XPO4: variants seen among roughly 807,000 people sequenced by gnomAD.
XPO4 encodes the protein exportin 4.
Under a neutral mutation model 143.0 loss-of-function variants are expected in XPO4, and 39 were observed. The observed-to-expected ratio is 0.27, with a 90% CI of 0.21 to 0.36. XPO4 has a LOEUF of 0.36. Among genes scored for constraint, XPO4 ranks in the 10% least tolerant of loss-of-function variants. XPO4 has a pLI of 1.00. For missense variants in XPO4, 907 were observed against 1,348.0 expected, an observed-to-expected ratio of 0.67 and a Z score of 5.12; for synonymous variants, 439 against 474.0, an observed-to-expected ratio of 0.93 and a Z score of 0.96.
chr13:20,797,119 G>A, intron 16 of XPO4, 62 bp from the exon 17 acceptor site: 1 of 1,450,992 alleles, frequency 6.9e-7, no homozygotes, highest in Non-Finnish European at 9.2e-7. Context: ...TCCTCTGCTT[G>A]GATACATATT....
At chr13:20,817,760 A>G (rs561275827) in intron 9 of XPO4, among the ~76,000 whole-genome samples, 1 of 152,324 alleles carries the variant, frequency 6.6e-6, no homozygotes, top group African/African-American at 2.4e-5. Flanking sequence ...ATCTTTTATA[A>G]AACAGCTGTT....
Position 20,854,519 on chromosome 13 carries a change from T to C in XPO4, c.456+1108A>G, listed in dbSNP as rs148237846. Among the ~76,000 whole-genome samples, 123 of 152,324 alleles carry C rather than the reference T, an allele frequency of 8.1e-4. 1 individual carries two copies. Among genetic ancestry groups the C allele is most frequent in the African/African-American group, 2.8e-3 (117 of 41,574 alleles). ...CAGTTATAAGGTACATAGCCTCACA[T>C]AGATATCTTTAAAATGATTAAATAA... On this transcript the variant is annotated intron_variant, in intron 4 of 22. Coordinates refer to ENST00000255305, the MANE Select transcript of XPO4 (RefSeq NM_022459.5).
chr13:20,893,487 C>G (rs978636379), intron 1 of XPO4, among the ~76,000 whole-genome samples: 3 of 152,118 alleles, frequency 2.0e-5, no homozygotes, highest in African/African-American at 4.8e-5. Flanking sequence ...TGCCTGTAAT[C>G]CCAGCACTTT....
chr13:20,785,835 GA>G (rs2059194172), intron 22 of XPO4, among the ~76,000 whole-genome samples: 1 of 131,974 alleles, frequency 7.6e-6, no homozygotes, highest in Non-Finnish European at 1.6e-5. Flanking sequence ...AAGGGAGGAA[GA>G]GACAAGAGGG....
At chr13:20,883,157 C>G (rs932882855) in intron 1 of XPO4, among the ~76,000 whole-genome samples, 3 of 152,232 alleles carry the variant, frequency 2.0e-5, no homozygotes, top group Non-Finnish European at 4.4e-5. Context: ...TTACATCTTA[C>G]CCCTCCCCAA....
intron 16 of XPO4, among the ~76,000 whole-genome samples, chr13:20,797,911 AG>A (rs1296191040): frequency 6.6e-6 from 1 of 152,192 alleles, no homozygotes; most frequent in South Asian, 2.1e-4. Flanking sequence ...ACGTTTTGGA[AG>A]GCTGAGGTGG....
At chr13:20,874,516 C>T (rs998576154) in intron 1 of XPO4, among the ~76,000 whole-genome samples, 1 of 152,172 alleles carries the variant, frequency 6.6e-6, no homozygotes, top group Admixed American at 6.6e-5. Flanking sequence ...TAGACTAATG[C>T]CAACTAACTC....
intron 4 of XPO4, chr13:20,849,714 C>A (rs548168527): frequency 3.0e-6 from 3 of 984,486 alleles, no homozygotes; most frequent in East Asian, 1.1e-4. Context: ...TAGATATAAT[C>A]TTTCCATAAA....
intron 9 of XPO4, among the ~76,000 whole-genome samples, chr13:20,818,897 T>A (rs1028975170): frequency 3.3e-5 from 5 of 151,454 alleles, no homozygotes; most frequent in African/African-American, 1.2e-4. Flanking sequence ...CTTGGGTCAC[T>A]GCAACCTCCG....
chr13:20,848,433 T>TA, intron 4 of XPO4: 25 of 985,400 alleles, frequency 2.5e-5, no homozygotes, highest in Non-Finnish European at 3.0e-5. Context: ...CTGCCATACC[T>TA]AATTTGCATA....
intron 1 of XPO4, among the ~76,000 whole-genome samples, chr13:20,878,952 T>C (rs1232490421): frequency 6.6e-6 from 1 of 152,210 alleles, no homozygotes. Context: ...TAAACAACTC[T>C]TCTGCTAAAA....
At chr13:20,827,252 C>T in intron 6 of XPO4, 73 bp from the exon 7 acceptor site, 2 of 1,057,888 alleles carry the variant, frequency 1.9e-6, no homozygotes, top group Non-Finnish European at 2.9e-6. Context: ...CTAAATATAA[C>T]AGGAGCCATC....
chr13:20,886,114 A>G (rs1264099441), intron 1 of XPO4, among the ~76,000 whole-genome samples: 2 of 152,212 alleles, frequency 1.3e-5, no homozygotes, highest in Admixed American at 6.5e-5. Context: ...CTTTAAGTGA[A>G]TATCACATTC....
intron 4 of XPO4, chr13:20,850,399 T>C: frequency 2.4e-6 from 1 of 422,986 alleles, no homozygotes; most frequent in South Asian, 1.0e-4. Context: ...CAAGTGTGAA[T>C]CCAAAATCAG....
At chr13:20,850,649 C>T (rs77323474) in intron 4 of XPO4, 3,561 of 344,488 alleles carry the variant, frequency 0.01, 133 homozygotes, top group African/African-American at 0.074. Context: ...CCAACAGTCC[C>T]AGCTACTCAG....
chr13:20,849,937 C>G, intron 4 of XPO4: 1 of 590,742 alleles, frequency 1.7e-6, no homozygotes, highest in Non-Finnish European at 2.1e-6. Flanking sequence ...AAAACCCCAT[C>G]TCTACTAAAA....
intron 4 of XPO4, chr13:20,851,737 A>T: frequency 3.1e-6 from 3 of 974,718 alleles, no homozygotes; most frequent in Non-Finnish European, 3.7e-6. Flanking sequence ...AAAAGAAAGA[A>T]AGAAAGAAAG....
chr13:20,874,503 T>C (rs2060332885), intron 1 of XPO4, among the ~76,000 whole-genome samples: 1 of 152,196 alleles, frequency 6.6e-6, no homozygotes, highest in South Asian at 2.1e-4. Context: ...TGGCCCTTAT[T>C]AATAGACTAA....
intron 6 of XPO4, among the ~76,000 whole-genome samples, chr13:20,828,143 G>A (rs528697564): frequency 3.9e-5 from 6 of 152,138 alleles, no homozygotes; most frequent in Non-Finnish European, 5.9e-5. Flanking sequence ...AGGCTGAGGC[G>A]GGAGAGTCGC....
Sources: gnomAD v4.1 joint callset for allele counts (sites outside exome capture counted in the v4.1 genomes callset) on GRCh38, gnomAD v4.1.1 for gene constraint, MANE v1.5 for transcripts, NCBI Gene and HGNC (gene_info 2026-07-23, HGNC 2026-07-21) for gene names.